The following INPP4B variants were observed in gnomAD, a reference collection of about 807,000 sequenced individuals.
INPP4B encodes the protein inositol polyphosphate-4-phosphatase type II B.
A neutral mutation model predicts 122.5 loss-of-function variants in INPP4B; 55 were observed. The ratio of observed to expected loss-of-function variants is 0.45; its 90% confidence interval spans 0.36 to 0.56. INPP4B has a LOEUF of 0.56. Ranked by LOEUF, INPP4B falls within the 20% of genes least tolerant of loss-of-function variation. The pLI, the probability that INPP4B is intolerant of heterozygous loss-of-function variation, is 0.00. For synonymous variants in INPP4B, 403 were observed against 388.7 expected, an observed-to-expected ratio of 1.04 and a Z score of -0.43; for missense variants, 1,000 against 1,097.7, an observed-to-expected ratio of 0.91 and a Z score of 1.26.
chr4:142,763,254 T>G (rs889498059), intron 1 of INPP4B, among the ~76,000 whole-genome samples: 1 of 152,188 alleles, frequency 6.6e-6, no homozygotes, highest in African/African-American at 2.4e-5. Flanking sequence ...TACATTTAAA[T>G]ATATTCTAAG....
At chr4:142,029,749 T>C in intron 25 of INPP4B, 1 of 995,202 alleles carries the variant, frequency 1.0e-6, no homozygotes, top group Non-Finnish European at 1.2e-6. Flanking sequence ...CCCACATCTC[T>C]AGAACTTGTC....
chr4:142,291,853 T>C (rs1345431463), intron 9 of INPP4B, among the ~76,000 whole-genome samples: 1 of 152,258 alleles, frequency 6.6e-6, no homozygotes, highest in Non-Finnish European at 1.5e-5. Flanking sequence ...CATCATTTCC[T>C]ATCCATGACT....
chr4:142,780,043 A>G (rs1774564628), intron 1 of INPP4B, among the ~76,000 whole-genome samples: 1 of 152,148 alleles, frequency 6.6e-6, no homozygotes, highest in Non-Finnish European at 1.5e-5. Context: ...ATGAGCCCAT[A>G]TTTACTAAAT....
intron 2 of INPP4B, among the ~76,000 whole-genome samples, chr4:142,603,159 A>G (rs1240578452): frequency 6.6e-6 from 1 of 152,176 alleles, no homozygotes; most frequent in African/African-American, 2.4e-5. Context: ...GTTCTCACTT[A>G]TAAGTGGGAG....
intron 11 of INPP4B, among the ~76,000 whole-genome samples, chr4:142,253,464 T>C (rs530582484): frequency 2.0e-5 from 3 of 152,062 alleles, no homozygotes; most frequent in African/African-American, 7.2e-5. Flanking sequence ...CACTAGGGAG[T>C]GCCAGAGAGT....
At chr4:142,707,663 C>T (rs1177726118) in intron 2 of INPP4B, among the ~76,000 whole-genome samples, 1 of 152,242 alleles carries the variant, frequency 6.6e-6, no homozygotes, top group Non-Finnish European at 1.5e-5. Context: ...TTTCCCCAGC[C>T]ATGCTTCCTG....
chr4:142,776,089 C>T (rs1773873664), intron 1 of INPP4B, among the ~76,000 whole-genome samples: 1 of 152,062 alleles, frequency 6.6e-6, no homozygotes, highest in African/African-American at 2.4e-5. Context: ...AATTATTTCT[C>T]TACCCCAACG....
chr4:142,122,692 CA>C (rs1797061666), intron 20 of INPP4B, among the ~76,000 whole-genome samples: 1 of 152,026 alleles, frequency 6.6e-6, no homozygotes, highest in Non-Finnish European at 1.5e-5. Context: ...CACTCTCTAA[CA>C]GAAATATGTG....
chr4:142,136,558 G>T (rs1579036773), intron 18 of INPP4B, among the ~76,000 whole-genome samples: 2 of 152,282 alleles, frequency 1.3e-5, no homozygotes, highest in East Asian at 3.9e-4. Flanking sequence ...GAAAGCTCAG[G>T]AATGAAAAGC....
chr4:142,099,741 A>G (rs919289556), intron 23 of INPP4B, among the ~76,000 whole-genome samples: 14 of 152,152 alleles, frequency 9.2e-5, no homozygotes, highest in Admixed American at 7.9e-4. Context: ...CAGAATCATC[A>G]TTACTGCTGA....
At chr4:142,675,460 A>G (rs1289030227) in intron 2 of INPP4B, among the ~76,000 whole-genome samples, 3 of 152,178 alleles carry the variant, frequency 2.0e-5, no homozygotes. Flanking sequence ...AACTATTCCA[A>G]ACAACAGAAA....
intron 25 of INPP4B, among the ~76,000 whole-genome samples, chr4:142,063,667 G>A (rs1762118622): frequency 6.6e-6 from 1 of 152,002 alleles, no homozygotes; most frequent in Non-Finnish European, 1.5e-5. Context: ...ATTTTCCCTA[G>A]TACTAGTATG....
At chr4:142,231,384 C>CT (rs1854304655) in intron 12 of INPP4B, among the ~76,000 whole-genome samples, 1 of 152,154 alleles carries the variant, frequency 6.6e-6, no homozygotes, top group Admixed American at 6.5e-5. Context: ...TTTCTGCAAA[C>CT]AAGACTCACA....
intron 2 of INPP4B, among the ~76,000 whole-genome samples, chr4:142,594,691 C>A (rs1738280023): frequency 6.6e-6 from 1 of 152,076 alleles, no homozygotes; most frequent in African/African-American, 2.4e-5. Flanking sequence ...CATGGTGGCT[C>A]ACACCTGTAA....
chr4:142,626,140 C>A (rs2120162), intron 2 of INPP4B, among the ~76,000 whole-genome samples: 118,078 of 152,038 alleles, frequency 0.78, 46,532 homozygotes, highest in East Asian at 0.85. Context: ...AATGGGATCT[C>A]ATTAAACTAA....
At chr4:142,577,783 G>T (rs1294353859) in intron 2 of INPP4B, among the ~76,000 whole-genome samples, 1 of 151,862 alleles carries the variant, frequency 6.6e-6, no homozygotes, top group African/African-American at 2.4e-5. Flanking sequence ...TATTCTGATT[G>T]GAAATCACCA....
chr4:142,215,720 C>T (rs1175899213), intron 12 of INPP4B, among the ~76,000 whole-genome samples: 2 of 151,308 alleles, frequency 1.3e-5, no homozygotes, highest in Non-Finnish European at 2.9e-5. Context: ...GGTGAATCCT[C>T]GTCTCTACTA....
At chr4:142,591,991 G>A (rs1580448358) in intron 2 of INPP4B, among the ~76,000 whole-genome samples, 1 of 152,122 alleles carries the variant, frequency 6.6e-6, no homozygotes, top group Non-Finnish European at 1.5e-5. Context: ...TCTGAATGAA[G>A]TATGAGCTGT....
At chr4:142,834,426 T>A (rs1782535949) in intron 1 of INPP4B, among the ~76,000 whole-genome samples, 1 of 152,156 alleles carries the variant, frequency 6.6e-6, no homozygotes. Context: ...GGAGACAAAG[T>A]GGCCACCATT....
Sources: allele counts gnomAD v4.1 joint callset (sites outside exome capture counted in the v4.1 genomes callset), GRCh38; gene constraint gnomAD v4.1.1; transcripts MANE v1.5; gene names NCBI Gene and HGNC (gene_info 2026-07-23, HGNC 2026-07-21).